Variants in GSTM4 observed in about 807,000 individuals in gnomAD.
GSTM4 encodes glutathione S-transferase mu 4.
GSTM4 carries 27 observed loss-of-function variants against 30.1 expected under a neutral mutation model. That is an observed-to-expected ratio of 0.90 (90% CI 0.66 to 1.24). The LOEUF (loss-of-function observed/expected upper bound fraction) is 1.24, where lower values mean the gene tolerates loss of function less well. Ranked by LOEUF, GSTM4 falls within the 50% of genes most tolerant of loss-of-function variation. The pLI, the probability that GSTM4 is intolerant of heterozygous loss-of-function variation, is 0.00. For missense variants in GSTM4, 238 were observed against 272.1 expected (o/e 0.87, Z 0.88); for synonymous variants, 94 against 96.2 (o/e 0.98, Z 0.13).
intron 7 of GSTM4, chr1:109,660,023 C>T (rs1042089490): frequency 4.8e-6 from 1 of 206,954 alleles, no homozygotes; most frequent in African/African-American, 2.4e-5. Flanking sequence ...AACCATCCCT[C>T]ACCCGTGCTG....
chr1:109,661,540 G>T lies in GSTM4; in HGVS notation c.*286G>T, dbSNP rs1014610301. On this transcript the variant is annotated 3_prime_UTR_variant, in exon 8 of 8. Transcript: ENST00000369836. The stretch of plus-strand genomic sequence containing the variant: ...CAGCCTGACCTTCCTTCCTGTTAGT[G>T]GTTGTATCTGCTTTGAAGGGCCTAC... The T allele has an allele frequency of 3.0e-6, 4 of 1,314,032 alleles. No homozygotes were observed. Among genetic ancestry groups the T allele is most frequent in the South Asian group, 3.1e-5 (2 of 64,268 alleles). The allele number at this position is 1,314,032 out of a possible 1,614,324, so 81.4% of individuals were successfully genotyped here. A position where few individuals can be genotyped will look rare whatever the true frequency, so the allele number is the denominator to read the frequency against.
intron 5 of GSTM4, chr1:109,658,283 C>T (rs962503330): frequency 1.7e-5 from 4 of 234,940 alleles, no homozygotes; most frequent in Non-Finnish European, 2.5e-5. Context: ...TTTCCTAGTG[C>T]TTCTCCTTGA....
chr1:109,663,237 C>T (rs1652369671), downstream of GSTM4, among the ~76,000 whole-genome samples: 1 of 152,104 alleles, frequency 6.6e-6, no homozygotes, highest in African/African-American at 2.4e-5. Flanking sequence ...TGGAAGGTTG[C>T]CTATTGAAGG....
chr1:109,656,273 C>A lies in GSTM4; in HGVS notation c.-117C>A. ...CGACCTTGAAGATCGGCGGGCGCAGCGGGGCCGAGGGGGCGGGTCTGGCGC... is the reference window on the plus strand; with the variant it reads ...CGACCTTGAAGATCGGCGGGCGCAGAGGGGCCGAGGGGGCGGGTCTGGCGC... On this transcript the variant is annotated 5_prime_UTR_variant, in exon 1 of 8. Transcript: ENST00000369836. 1 of 992,502 alleles carries A rather than the reference C, an allele frequency of 1.0e-6. No individual in the cohort carries two copies. The highest frequency in any genetic ancestry group is 1.6e-6 in the Non-Finnish European group (1 of 625,870). 61.5% of individuals were successfully genotyped at this position (992,502 alleles called of 1,614,324 possible). A position where few individuals can be genotyped will look rare whatever the true frequency, so the allele number is the denominator to read the frequency against.
At chr1:109,656,611 G>C in intron 1 of GSTM4, 101 bp from the exon 2 acceptor site, 1 of 739,172 alleles carries the variant, frequency 1.4e-6, no homozygotes, top group Admixed American at 1.9e-5. Context: ...GGTGGGGGGG[G>C]GGTGCAGTGC....
intron 2 of GSTM4, chr1:109,657,014 A>G: frequency 2.6e-6 from 2 of 784,308 alleles, no homozygotes; most frequent in Non-Finnish European, 4.4e-6. Context: ...GAGCTTCCCT[A>G]AACCCTGGAA....
downstream of GSTM4, among the ~76,000 whole-genome samples, chr1:109,665,895 G>A (rs1410503247): frequency 1.3e-5 from 2 of 152,156 alleles, no homozygotes; most frequent in African/African-American, 4.8e-5. Context: ...GAAGGGGGCT[G>A]CCTCTGGTGA....
chr1:109,660,816 G>A (rs1652276494), intron 7 of GSTM4: 1 of 295,756 alleles, frequency 3.4e-6, no homozygotes, highest in Admixed American at 4.6e-5. Context: ...GGAAGTTACT[G>A]AACTTCTGTT....
At chr1:109,667,598 C>T (rs1647372697), downstream of GSTM4, among the ~76,000 whole-genome samples, 1 of 152,160 alleles carries the variant, frequency 6.6e-6, no homozygotes, top group Non-Finnish European at 1.5e-5. Context: ...ATCATCCTTG[C>T]CTGTGTTGTC....
At chr1:109,656,851 G>A in intron 2 of GSTM4, 64 bp downstream of exon 2, 1 of 1,473,728 alleles carries the variant, frequency 6.8e-7, no homozygotes, top group Non-Finnish European at 9.5e-7. Context: ...GCAACCCATG[G>A]TGGCCACCTG....
At chr1:109,658,757 C>A in intron 5 of GSTM4, 57 bp from the exon 6 acceptor site, 1 of 1,282,224 alleles carries the variant, frequency 7.8e-7, no homozygotes, top group South Asian at 1.2e-5. Flanking sequence ...CCTGGGGAGG[C>A]CACATCTGTG....
chr1:109,657,747 TGA>T (rs1557951841), intron 4 of GSTM4, 23 bp from the exon 5 acceptor site: 1 of 1,613,732 alleles, frequency 6.2e-7, no homozygotes, highest in Admixed American at 1.7e-5. Context: ...ATGCTCAGAG[TGA>T]GTCTGTGTTT....
At chr1:109,665,330 C>A (rs1007007032), downstream of GSTM4, 2 of 481,094 alleles carry the variant, frequency 4.2e-6, no homozygotes, top group Non-Finnish European at 7.5e-6. Flanking sequence ...CATCGCCTCC[C>A]ACCCCCACCT....
chr1:109,656,496 T>C, intron 1 of GSTM4, 71 bp downstream of exon 1: 2 of 1,523,490 alleles, frequency 1.3e-6, no homozygotes, highest in Non-Finnish European at 1.8e-6. Flanking sequence ...GGGGACCGGC[T>C]CTAGGGACGG....
At chr1:109,659,138 G>C (rs776652186) in intron 7 of GSTM4, 28 bp downstream of exon 7, 3 of 1,614,034 alleles carry the variant, frequency 1.9e-6, no homozygotes, top group African/African-American at 1.3e-5. Flanking sequence ...CTTTCTCTTT[G>C]ATGCCCCTTG....
downstream of GSTM4, among the ~76,000 whole-genome samples, chr1:109,663,831 G>C (rs953213393): frequency 6.6e-6 from 1 of 152,180 alleles, no homozygotes; most frequent in East Asian, 1.9e-4. Context: ...GTCTCTTCTT[G>C]TTCGCTGATG....
chr1:109,660,448 G>A (rs537039190), intron 7 of GSTM4: 7 of 153,838 alleles, frequency 4.6e-5, no homozygotes, highest in African/African-American at 1.7e-4. Context: ...CAGGTACCAG[G>A]TGGGGAGGTT....
chr1:109,667,547 C>T (rs1038907154), downstream of GSTM4, among the ~76,000 whole-genome samples: 3 of 152,124 alleles, frequency 2.0e-5, no homozygotes, highest in Non-Finnish European at 4.4e-5. Flanking sequence ...GGCGGTATTC[C>T]TGACGTTTGG....
intron 7 of GSTM4, chr1:109,660,501 C>G (rs971219654): frequency 2.6e-5 from 4 of 153,996 alleles, no homozygotes; most frequent in Non-Finnish European, 2.9e-5. Flanking sequence ...CCTGGTCTGG[C>G]GTTTCTTTTG....
Sources: allele counts gnomAD v4.1 joint callset (sites outside exome capture counted in the v4.1 genomes callset), GRCh38; gene constraint gnomAD v4.1.1; transcripts MANE v1.5; gene names NCBI Gene and HGNC (gene_info 2026-07-23, HGNC 2026-07-21).